NCKAP5: variants seen among roughly 807,000 people sequenced by gnomAD.
The protein encoded by NCKAP5 is NCK associated protein 5.
In NCKAP5, 92 loss-of-function variants were observed where a neutral mutation model predicts 167.0. That is an observed-to-expected ratio of 0.55 (90% CI 0.47 to 0.66). The LOEUF (loss-of-function observed/expected upper bound fraction) is 0.66, where lower values mean the gene tolerates loss of function less well. NCKAP5 is among the 30% of genes least tolerant of loss of function. The pLI is 0.00. For synonymous variants in NCKAP5, 891 were observed against 877.4 expected (o/e 1.02, Z -0.27); for missense variants, 2,378 against 2,315.0 (o/e 1.03, Z -0.56).
chr2:133,323,767 A>T (rs1334204177), intron 3 of NCKAP5, among the ~76,000 whole-genome samples: 1 of 152,160 alleles, frequency 6.6e-6, no homozygotes, highest in Non-Finnish European at 1.5e-5. Flanking sequence ...ATTGAACTTA[A>T]TCACTGTCCC....
intron 4 of NCKAP5, among the ~76,000 whole-genome samples, chr2:133,239,502 A>G (rs2087579769): frequency 6.6e-6 from 1 of 152,194 alleles, no homozygotes; most frequent in Admixed American, 6.5e-5. Flanking sequence ...TACTCTATAC[A>G]GGAAGTAGAA....
chr2:133,506,064 T>A lies in NCKAP5; in HGVS notation c.69+11394A>T, dbSNP rs1350186798. 3.3e-5 allele frequency among the ~76,000 whole-genome samples: 5 copies of A among 152,216 alleles called. No individual in the cohort carries two copies. The East Asian group carries it at 9.6e-4, about 29-fold the overall frequency. Reference sequence around the variant, plus strand: ...ATCTACCAAACATTTCAACTCCAGCTCTAGTCTAAGGACTTACGCAGTTCT... The same window carrying A: ...ATCTACCAAACATTTCAACTCCAGCACTAGTCTAAGGACTTACGCAGTTCT... On this transcript the variant is annotated intron_variant, in intron 3 of 19. Transcript: ENST00000409261.
At chr2:133,600,456 A>G in the NCKAP5 span, among the ~76,000 whole-genome samples, 3 of 152,338 alleles carry the variant, frequency 2.0e-5, no homozygotes, top group Non-Finnish European at 4.4e-5. Flanking sequence ...TTTTTGTTCC[A>G]AGGCCAAAGC....
chr2:133,250,326 G>A (rs977614451), intron 4 of NCKAP5, among the ~76,000 whole-genome samples: 7 of 152,138 alleles, frequency 4.6e-5, no homozygotes, highest in South Asian at 2.1e-4. Flanking sequence ...CTTCACCACC[G>A]TACATTTCCT....
chr2:132,951,652 A>G (rs2076191777), intron 8 of NCKAP5, among the ~76,000 whole-genome samples: 1 of 152,226 alleles, frequency 6.6e-6, no homozygotes, highest in South Asian at 2.1e-4. Context: ...AGCATTTCAT[A>G]GTTTCAGGGT....
intron 3 of NCKAP5, among the ~76,000 whole-genome samples, chr2:133,487,845 TC>T (rs1196988404): frequency 1.3e-5 from 2 of 152,120 alleles, no homozygotes; most frequent in East Asian, 3.9e-4. Flanking sequence ...CCACCAAATT[TC>T]CCCTGTCTTT....
chr2:132,829,140 T>C (rs768364528), intron 11 of NCKAP5, among the ~76,000 whole-genome samples: 4 of 152,232 alleles, frequency 2.6e-5, no homozygotes, highest in Non-Finnish European at 5.9e-5. Flanking sequence ...TTGTATTTAT[T>C]GAATATTAGT....
chr2:133,615,541 A>G, the NCKAP5 span, among the ~76,000 whole-genome samples: 1 of 152,242 alleles, frequency 6.6e-6, no homozygotes, highest in African/African-American at 2.4e-5. Context: ...ACAAAGATCA[A>G]AAGAGACAAA....
chr2:132,838,635 AAAC>A (rs1247275069), intron 11 of NCKAP5, among the ~76,000 whole-genome samples: 9 of 152,276 alleles, frequency 5.9e-5, no homozygotes, highest in South Asian at 4.1e-4. Context: ...CTGTCTCTAA[AAAC>A]AACAACAACA....
Position 132,924,158 on chromosome 2 carries a change from G to C in NCKAP5, c.579+39562C>G, listed in dbSNP as rs542465128. 5.6e-4 allele frequency among the ~76,000 whole-genome samples: 85 copies of C among 152,256 alleles called. 2 individuals carry two copies. The highest frequency in any genetic ancestry group is 1.9e-3 in the African/African-American group (77 of 41,540). Reference sequence around the variant, plus strand: ...CCTGGGCAGAGGCTTTTACAGTCCTGAAAATGCTATGCTACAGAAGAGACA... The same window carrying C: ...CCTGGGCAGAGGCTTTTACAGTCCTCAAAATGCTATGCTACAGAAGAGACA... On this transcript the variant is annotated intron_variant, in intron 8 of 19. Coordinates refer to ENST00000409261, the MANE Select transcript of NCKAP5 (RefSeq NM_207363.3).
intron 3 of NCKAP5, among the ~76,000 whole-genome samples, chr2:133,317,134 C>T (rs569218441): frequency 5.9e-5 from 9 of 152,240 alleles, no homozygotes; most frequent in South Asian, 4.1e-4. Context: ...AAAAAATAAA[C>T]GTGTATCACC....
intron 19 of NCKAP5, among the ~76,000 whole-genome samples, chr2:132,694,325 C>T (rs932799404): frequency 2.1e-4 from 32 of 152,100 alleles, no homozygotes; most frequent in African/African-American, 5.8e-4. Context: ...AGCGATGAAA[C>T]GCAGCATTTC....
chr2:132,693,156 C>A (rs1686943261), intron 19 of NCKAP5, among the ~76,000 whole-genome samples: 2 of 152,200 alleles, frequency 1.3e-5, no homozygotes. Context: ...TTTCTCTATC[C>A]TTCCATCTTC....
At chr2:133,643,031 A>C in the NCKAP5 span, among the ~76,000 whole-genome samples, 36 of 152,274 alleles carry the variant, frequency 2.4e-4, 1 homozygote, top group South Asian at 7.3e-3. Context: ...TGGAATGAGA[A>C]ATGACATCAG....
intron 3 of NCKAP5, among the ~76,000 whole-genome samples, chr2:133,456,682 C>T (rs1424800861): frequency 6.6e-6 from 1 of 152,144 alleles, no homozygotes; most frequent in African/African-American, 2.4e-5. Flanking sequence ...GCTGCTGACC[C>T]CAAATCAGTA....
At position 132,782,296 on chromosome 2, in the gene NCKAP5, A is replaced by G. The variant is rs772107012; in HGVS notation, c.4515T>C (p.Ser1505=). 2.5e-6 allele frequency: 4 copies of G among 1,614,058 alleles called. No homozygotes were observed. Among genetic ancestry groups the G allele is most frequent in the Non-Finnish European group, 3.4e-6 (4 of 1,179,902 alleles). The change falls in exon 14 of 20, where the codon TCT becomes TCC. Residue 1505 remains serine (S), a synonymous_variant. Coordinates refer to ENST00000409261, the MANE Select transcript of NCKAP5 (RefSeq NM_207363.3). ...SVEAKQKPGP[S]FASWFGFRKS... ...TCCGAAAACCAAACCAGCTGGCAAA[A>G]GAAGGCCCAGGCTTCTGCTTTGCTT...
At chr2:133,661,500 T>G in the NCKAP5 span, among the ~76,000 whole-genome samples, 9 of 152,350 alleles carry the variant, frequency 5.9e-5, no homozygotes, top group Middle Eastern at 3.4e-3. Context: ...GTCAGTTTCT[T>G]TTCTGCAACA....
At chr2:132,901,983 A>G (rs1247084935) in intron 8 of NCKAP5, among the ~76,000 whole-genome samples, 2 of 152,180 alleles carry the variant, frequency 1.3e-5, no homozygotes, top group African/African-American at 4.8e-5. Flanking sequence ...CTCATTTTCT[A>G]TTAGCTTTTG....
intron 2 of NCKAP5, among the ~76,000 whole-genome samples, chr2:133,557,719 C>T (rs1321435914): frequency 6.6e-6 from 1 of 152,184 alleles, no homozygotes; most frequent in Non-Finnish European, 1.5e-5. Flanking sequence ...GGAGAAACAC[C>T]CTTTCAAGGG....
Sources: allele counts gnomAD v4.1 joint callset (sites outside exome capture counted in the v4.1 genomes callset), GRCh38; gene constraint gnomAD v4.1.1; transcripts MANE v1.5; gene names NCBI Gene and HGNC (gene_info 2026-07-23, HGNC 2026-07-21).